CHRM3: variants seen among roughly 807,000 people sequenced by gnomAD.
CHRM3 encodes the protein muscarinic acetylcholine receptor M3.
Under a neutral mutation model 41.8 loss-of-function variants are expected in CHRM3, and 11 were observed. The observed-to-expected ratio is 0.26, with a 90% confidence interval of 0.17 to 0.44. The LOEUF (loss-of-function observed/expected upper bound fraction) is 0.44. Among genes scored for constraint, CHRM3 ranks in the 20% least tolerant of loss-of-function variants. The pLI is 1.00. For missense variants in CHRM3, 571 were observed against 745.4 expected (o/e 0.77, Z 2.72); for synonymous variants, 297 against 301.4 (o/e 0.99, Z 0.15).
At chr1:239,547,398 G>A (rs1426641110) in intron 3 of CHRM3, among the ~76,000 whole-genome samples, 2 of 152,116 alleles carry the variant, frequency 1.3e-5, no homozygotes, top group Admixed American at 1.3e-4. Context: ...AGTTAATATG[G>A]ACGAGTGTTT....
intron 2 of CHRM3, among the ~76,000 whole-genome samples, chr1:239,511,819 C>T (rs1668942519): frequency 6.6e-6 from 1 of 152,160 alleles, no homozygotes; most frequent in South Asian, 2.1e-4. Context: ...AAAATCCTAC[C>T]ATTGTCAAAT....
chr1:239,763,602 A>T, intron 5 of CHRM3, among the ~76,000 whole-genome samples: 1 of 152,206 alleles, frequency 6.6e-6, no homozygotes, highest in Non-Finnish European at 1.5e-5. Flanking sequence ...GTGCTATGAA[A>T]TGGGAGGCAG....
chr1:239,672,599 TACACACACACAC>T (rs35094370), intron 4 of CHRM3, among the ~76,000 whole-genome samples: 1 of 145,840 alleles, frequency 6.9e-6, no homozygotes, highest in Admixed American at 6.8e-5. Context: ...TTCTTCCCAC[TACACACACACAC>T]ACACACACAC....
At chr1:239,483,344 T>G (rs555408025) in intron 1 of CHRM3, among the ~76,000 whole-genome samples, 1 of 152,328 alleles carries the variant, frequency 6.6e-6, no homozygotes, top group South Asian at 2.1e-4. Context: ...TTCTGTAGCT[T>G]CTGTAAAATT....
At position 239,567,161 on chromosome 1, in the gene CHRM3, T is replaced by A. The variant is rs371868539; in HGVS notation, c.-313+21412T>A. On this transcript the variant is annotated intron_variant, in intron 3 of 6. Transcript: ENST00000676153. ...TGTTATGGGCTGTTTAACCTATCTATTAACCTATCTAGAACCTCATTAAAA... is the reference window on the plus strand; with the variant it reads ...TGTTATGGGCTGTTTAACCTATCTAATAACCTATCTAGAACCTCATTAAAA... 4.3e-4 allele frequency among the ~76,000 whole-genome samples: 65 copies of A among 152,248 alleles called. 3 individuals are homozygous for A. The South Asian group carries it at 0.013, about 31-fold the overall frequency.
At chr1:239,801,584 G>A (rs1315220460) in intron 5 of CHRM3, among the ~76,000 whole-genome samples, 1 of 152,134 alleles carries the variant, frequency 6.6e-6, no homozygotes, top group Non-Finnish European at 1.5e-5. Flanking sequence ...CATGGTTCTA[G>A]GCTCATAGAA....
At chr1:239,862,750 A>G (rs1168126186) in intron 6 of CHRM3, among the ~76,000 whole-genome samples, 1 of 152,230 alleles carries the variant, frequency 6.6e-6, no homozygotes, top group Non-Finnish European at 1.5e-5. Context: ...TAGGCTCTGA[A>G]TCACCTAAAA....
rs182464685 is a variant in CHRM3, at chr1:239,574,429, G to A, written c.-313+28680G>A. On this transcript the variant is annotated intron_variant, in intron 3 of 6. Coordinates refer to ENST00000676153, the MANE Select transcript of CHRM3 (RefSeq NM_001375978.1). ...TCCACCCTGGGGCCCTTTGTCCAGC[G>A]CTGGGCCTGGAGCACTCTTCTCGGT... Among the ~76,000 whole-genome samples the A allele has an allele frequency of 7.2e-5, 11 of 151,946 alleles. No homozygotes were observed. The East Asian group carries it at 1.2e-3, about 16-fold the overall frequency.
chr1:239,555,208 T>A (rs1480518850), intron 3 of CHRM3, among the ~76,000 whole-genome samples: 2 of 152,080 alleles, frequency 1.3e-5, no homozygotes, highest in East Asian at 3.9e-4. Flanking sequence ...GGGGAAAAAA[T>A]TGTTGCCCTT....
chr1:239,814,504 C>T (rs1408902951), intron 5 of CHRM3, among the ~76,000 whole-genome samples: 1 of 152,140 alleles, frequency 6.6e-6, no homozygotes, highest in Non-Finnish European at 1.5e-5. Context: ...AGGAAATGCA[C>T]CTGTTTTCTT....
intron 5 of CHRM3, among the ~76,000 whole-genome samples, chr1:239,684,736 GAGAGAAAGAA>G (rs143343654): frequency 0.033 from 4,520 of 137,538 alleles, 236 homozygotes; most frequent in African/African-American, 0.1. Context: ...GGAAAGGAAA[GAGAGAAAGAA>G]AGAGAAAGAA....
intron 4 of CHRM3, among the ~76,000 whole-genome samples, chr1:239,672,859 G>C (rs1221791995): frequency 6.6e-6 from 1 of 152,026 alleles, no homozygotes; most frequent in East Asian, 1.9e-4. Context: ...CCAGGAGGTG[G>C]GTAGTGCAGT....
chr1:239,401,821 A>G (rs537230332), intron 1 of CHRM3, among the ~76,000 whole-genome samples: 29 of 152,048 alleles, frequency 1.9e-4, no homozygotes, highest in Non-Finnish European at 3.5e-4. Flanking sequence ...AAGATTATCT[A>G]ATGGAGGCCT....
intron 1 of CHRM3, among the ~76,000 whole-genome samples, chr1:239,442,042 A>T (rs557926399): frequency 9.9e-5 from 15 of 152,244 alleles, no homozygotes; most frequent in Non-Finnish European, 1.9e-4. Context: ...CAAAATGTAC[A>T]TAATATGTAT....
intron 1 of CHRM3, among the ~76,000 whole-genome samples, chr1:239,478,732 A>T (rs1252852135): frequency 6.6e-6 from 1 of 152,244 alleles, no homozygotes; most frequent in African/African-American, 2.4e-5. Context: ...CTAAAATGCA[A>T]GTAGGAAATA....
intron 6 of CHRM3, chr1:239,898,051 G>A (rs1363581569): frequency 6.6e-6 from 1 of 152,124 alleles, no homozygotes; most frequent in Non-Finnish European, 1.5e-5. Flanking sequence ...TCCGGTTTTG[G>A]TGTTCAGAGA....
chr1:239,612,261 T>C (rs1320707084), intron 3 of CHRM3, among the ~76,000 whole-genome samples: 1 of 152,220 alleles, frequency 6.6e-6, no homozygotes, highest in Admixed American at 6.5e-5. Flanking sequence ...TTAATTAATA[T>C]ATCACAAGAC....
intron 5 of CHRM3, among the ~76,000 whole-genome samples, chr1:239,710,864 G>C (rs531351761): frequency 1.3e-5 from 2 of 151,688 alleles, no homozygotes; most frequent in Non-Finnish European, 2.9e-5. Context: ...ACAACCTGCC[G>C]TGTTCCTAAC....
At chr1:239,532,043 T>C (rs1433285645) in intron 2 of CHRM3, among the ~76,000 whole-genome samples, 7 of 119,324 alleles carry the variant, frequency 5.9e-5, no homozygotes, top group Admixed American at 8.5e-5. Flanking sequence ...GACGGAGTCT[T>C]GCCCTGTCTC....
Sources: gnomAD v4.1 joint callset for allele counts (sites outside exome capture counted in the v4.1 genomes callset) on GRCh38, gnomAD v4.1.1 for gene constraint, MANE v1.5 for transcripts, NCBI Gene and HGNC (gene_info 2026-07-23, HGNC 2026-07-21) for gene names.